TMEM273: variants seen among roughly 807,000 people sequenced by gnomAD.
TMEM273 encodes transmembrane protein 273, also known as chromosome 10 open reading frame 128.
Under a neutral mutation model 17.9 loss-of-function variants are expected in TMEM273, and 19 were observed. The observed-to-expected ratio is 1.06, with a 90% CI of 0.74 to 1.55. The LOEUF is 1.55. Among genes scored for constraint, TMEM273 ranks in the 40% most tolerant of loss-of-function variants. The probability of loss-of-function intolerance (pLI) is 0.00; values close to 1 mark genes in which losing one functional copy is unlikely to be tolerated. For synonymous variants in TMEM273, 66 were observed against 62.0 expected (o/e 1.07, Z -0.31); for missense variants, 194 against 155.6 (o/e 1.25, Z -1.31).
At position 49,173,471 on chromosome 10, in the gene TMEM273, CTT is replaced by C. The variant is rs1284967337; in HGVS notation, c.44-5511_44-5510del. ...TGGCCTCTGCACAGGCTGCTGCTCT[CTT>C]TGCCGCAATGCTTTTCCCTCGTCCC... On this transcript the variant is annotated intron_variant, in intron 1 of 6. Coordinates refer to ENST00000374153, the MANE Select transcript of TMEM273 (RefSeq NM_001288740.3). Among the ~76,000 whole-genome samples the C allele has an allele frequency of 2.0e-5, 3 of 152,336 alleles. No homozygotes were observed. In the East Asian group the frequency reaches 5.8e-4, roughly 29 times the overall value.
At chr10:49,161,691 C>G (rs936260129) in intron 5 of TMEM273, 69 bp from the exon 6 acceptor site, 24 of 1,599,958 alleles carry the variant, frequency 1.5e-5, no homozygotes, top group Non-Finnish European at 2.1e-5. Context: ...GCAAAACTTG[C>G]TGCAAGAGAG....
chr10:49,156,336 T>C (rs1177941414), intron 6 of TMEM273: 2 of 1,231,424 alleles, frequency 1.6e-6, no homozygotes, highest in Non-Finnish European at 2.2e-6. Context: ...TACGAGCTGT[T>C]ACAGAGGGTG....
Position 49,176,256 on chromosome 10 carries a change from G to A in TMEM273, c.44-8294C>T, listed in dbSNP as rs146520876. The stretch of plus-strand genomic sequence containing the variant: ...ATCCTAGGGGCCATGAGTGAAATGG[G>A]GAGCCAAGCACACCGGGAGGCACTC... On this transcript the variant is annotated intron_variant, in intron 1 of 6. Transcript: ENST00000374153. 2.9e-3 allele frequency among the ~76,000 whole-genome samples: 436 copies of A among 152,342 alleles called. 3 individuals are homozygous for A. Among genetic ancestry groups the A allele is most frequent in the African/African-American group, 1.0e-2 (415 of 41,578 alleles).
Position 49,167,014 on chromosome 10 carries a change from A to T in TMEM273, c.98-5T>A. ...CGATGAGGGCGTACTTGAAATCTGAAACGCAGGGAGGAATTGAACACCCGG... is the reference window on the plus strand; with the variant it reads ...CGATGAGGGCGTACTTGAAATCTGATACGCAGGGAGGAATTGAACACCCGG... On this transcript the variant is annotated splice_polypyrimidine_tract_variant and splice_region_variant and intron_variant, in intron 2 of 6. Transcript: ENST00000374153. 9 of 1,613,670 alleles carry T rather than the reference A, an allele frequency of 5.6e-6. No individual in the cohort carries two copies. Among genetic ancestry groups the T allele is most frequent in the Non-Finnish European group, 7.6e-6 (9 of 1,179,700 alleles).
intron 6 of TMEM273, 63 bp from the exon 7 acceptor site, chr10:49,155,972 A>G (rs576934497): frequency 1.9e-6 from 3 of 1,612,810 alleles, no homozygotes; most frequent in African/African-American, 1.3e-5. Context: ...TAATGATTGC[A>G]TGTGTTTATG....
chr10:49,175,580 C>A (rs1449013340), intron 1 of TMEM273, among the ~76,000 whole-genome samples: 1 of 152,250 alleles, frequency 6.6e-6, no homozygotes, highest in Non-Finnish European at 1.5e-5. Flanking sequence ...CTTAAAGATT[C>A]ACACAGTGGG....
chr10:49,185,561 A>C (rs112429229), intron 1 of TMEM273, among the ~76,000 whole-genome samples: 4 of 152,348 alleles, frequency 2.6e-5, no homozygotes, highest in African/African-American at 9.6e-5. Context: ...ATTTGCTTTC[A>C]ACAGGCTGTC....
chr10:49,186,106 A>AAGAAGAAGAAGAAGG (rs1248995085), intron 1 of TMEM273, among the ~76,000 whole-genome samples: 1 of 143,712 alleles, frequency 7.0e-6, no homozygotes, highest in Non-Finnish European at 1.5e-5. Flanking sequence ...GAAGAAGAAG[A>AAGAAGAAGAAGAAGG]AGAGGAAGAA....
chr10:49,160,715 AG>A (rs1845789655), intron 6 of TMEM273: 1 of 151,140 alleles, frequency 6.6e-6, no homozygotes. Flanking sequence ...TGCTGTATTC[AG>A]GGGTGAAATA....
At chr10:49,170,399 T>C (rs945994370) in intron 1 of TMEM273, among the ~76,000 whole-genome samples, 2 of 152,102 alleles carry the variant, frequency 1.3e-5, no homozygotes, top group African/African-American at 4.8e-5. Flanking sequence ...TCTGCCCCTC[T>C]CTGTGGCTGG....
At chr10:49,167,153 G>A in intron 2 of TMEM273, 144 bp from the exon 3 acceptor site, 1 of 1,161,996 alleles carries the variant, frequency 8.6e-7, no homozygotes, top group Non-Finnish European at 1.2e-6. Flanking sequence ...ACTCTCCCAT[G>A]AGTCCCTTTG....
chr10:49,183,101 C>T (rs888917401), intron 1 of TMEM273, among the ~76,000 whole-genome samples: 3 of 152,262 alleles, frequency 2.0e-5, no homozygotes, highest in South Asian at 2.1e-4. Context: ...TGGTCACCCC[C>T]GCCATACCTG....
intron 1 of TMEM273, among the ~76,000 whole-genome samples, chr10:49,181,799 T>C (rs1847356212): frequency 6.6e-6 from 1 of 151,636 alleles, no homozygotes; most frequent in South Asian, 2.1e-4. Context: ...TTCTGAGACA[T>C]GCTATCAAAA....
At position 49,154,992 on chromosome 10, in the gene TMEM273, T is replaced by C. The variant is rs1845432086; in HGVS notation, c.*900A>G. On this transcript the variant is annotated 3_prime_UTR_variant, in exon 7 of 7. Transcript: ENST00000374153. ...TGGAAAGTGGAAAGGCAAAGAATAT[T>C]CCGTGATGTGATCCCAGAAATACAG... 6.6e-6 allele frequency: 1 copy of C among 152,164 alleles called. No individual in the cohort carries two copies. The highest frequency in any genetic ancestry group is 1.5e-5 in the Non-Finnish European group (1 of 68,040). The allele number at this position is 152,164 out of a possible 1,614,324, so 9.4% of individuals were successfully genotyped here.
intron 1 of TMEM273, among the ~76,000 whole-genome samples, chr10:49,177,261 G>A (rs1377924359): frequency 6.6e-6 from 1 of 152,172 alleles, no homozygotes; most frequent in Non-Finnish European, 1.5e-5. Context: ...AGTTATCTGG[G>A]AATCTGGTCT....
chr10:49,188,166 G>T, intron 1 of TMEM273, 128 bp downstream of exon 1: 1 of 1,068,882 alleles, frequency 9.4e-7, no homozygotes, highest in Non-Finnish European at 1.4e-6. Context: ...AGATCAAAGT[G>T]AGAAACATCA....
intron 1 of TMEM273, among the ~76,000 whole-genome samples, chr10:49,168,520 C>T (rs1482177552): frequency 1.3e-5 from 2 of 152,124 alleles, no homozygotes; most frequent in African/African-American, 2.4e-5. Flanking sequence ...TTGCTCCAGG[C>T]TCCATCCTAA....
intron 6 of TMEM273, among the ~76,000 whole-genome samples, chr10:49,159,678 C>T (rs1457398974): frequency 2.0e-5 from 3 of 151,658 alleles, no homozygotes; most frequent in South Asian, 2.1e-4. Context: ...AAAAATGATT[C>T]CACAGTAAAA....
At chr10:49,163,345 T>C (rs1297903189) in intron 5 of TMEM273, among the ~76,000 whole-genome samples, 1 of 151,898 alleles carries the variant, frequency 6.6e-6, no homozygotes, top group African/African-American at 2.4e-5. Flanking sequence ...ACATATGGCA[T>C]CTCTGGTCCC....
Sources: gnomAD v4.1 joint callset for allele counts (sites outside exome capture counted in the v4.1 genomes callset) on GRCh38, gnomAD v4.1.1 for gene constraint, MANE v1.5 for transcripts, NCBI Gene and HGNC (gene_info 2026-07-23, HGNC 2026-07-21) for gene names.